ARHGEF7: variants seen among roughly 807,000 people sequenced by gnomAD.
The protein encoded by ARHGEF7 is Rho guanine nucleotide exchange factor 7, also known as PAK-interacting exchange factor beta.
Under a neutral mutation model 109.8 loss-of-function variants are expected in ARHGEF7, and 33 were observed. The ratio of observed to expected loss-of-function variants is 0.30; its 90% CI spans 0.23 to 0.40. ARHGEF7 has a LOEUF of 0.40. Ranked by LOEUF, ARHGEF7 falls within the 10% of genes least tolerant of loss-of-function variation. ARHGEF7 has a pLI of 1.00. For synonymous variants in ARHGEF7, 458 were observed against 424.6 expected (o/e 1.08, Z -0.97); for missense variants, 938 against 1,098.5 (o/e 0.85, Z 2.07).
At chr13:111,268,679 A>C (rs1246273811) in intron 9 of ARHGEF7, among the ~76,000 whole-genome samples, 1 of 152,114 alleles carries the variant, frequency 6.6e-6, no homozygotes, top group East Asian at 1.9e-4. Flanking sequence ...TGCTCCCTTC[A>C]GGCTCTGCAG....
At chr13:111,174,539 G>A (rs2077934845) in intron 2 of ARHGEF7, among the ~76,000 whole-genome samples, 1 of 152,096 alleles carries the variant, frequency 6.6e-6, no homozygotes, top group African/African-American at 2.4e-5. Flanking sequence ...ATGACTTCCT[G>A]GTCATTACAA....
intron 17 of ARHGEF7, among the ~76,000 whole-genome samples, chr13:111,287,670 C>T (rs2093079452): frequency 1.3e-5 from 2 of 152,196 alleles, no homozygotes; most frequent in Admixed American, 6.5e-5. Flanking sequence ...AAGCAGGTGT[C>T]TGGGGAGGAG....
chr13:111,123,848 G>A (rs12858583), intron 1 of ARHGEF7, among the ~76,000 whole-genome samples: 19,679 of 137,486 alleles, frequency 0.14, 1,699 homozygotes, highest in East Asian at 0.22. Flanking sequence ...GGCCATCGTT[G>A]GCTGGTGGGC....
At position 111,290,675 on chromosome 13, in the gene ARHGEF7, A is replaced by G. The variant is rs536700595; in HGVS notation, c.2135-1443A>G. On this transcript the variant is annotated intron_variant, in intron 18 of 21. Transcript: ENST00000646102. ...ACAATTCCTTTTCTTTTCTTGTCAC[A>G]TTGCCTGTATTCTGTACTTCCATTT... 2.0e-5 allele frequency among the ~76,000 whole-genome samples: 3 copies of G among 152,296 alleles called. No homozygotes were observed. The East Asian group carries it at 5.8e-4, about 29-fold the overall frequency.
intron 2 of ARHGEF7, among the ~76,000 whole-genome samples, chr13:111,162,085 C>T (rs1383235797): frequency 6.6e-6 from 1 of 152,214 alleles, no homozygotes; most frequent in Admixed American, 6.5e-5. Context: ...AGGCTTTGAA[C>T]ACCTGCTACC....
At chr13:111,285,312 A>T (rs945322298) in intron 16 of ARHGEF7, among the ~76,000 whole-genome samples, 4 of 152,222 alleles carry the variant, frequency 2.6e-5, no homozygotes, top group Admixed American at 2.0e-4. Context: ...AGCCTGGTTC[A>T]TTCCATAGCA....
At chr13:111,124,845 C>T (rs1238798992) in intron 1 of ARHGEF7, among the ~76,000 whole-genome samples, 13 of 152,166 alleles carry the variant, frequency 8.5e-5, no homozygotes, top group African/African-American at 3.1e-4. Context: ...CTCCAACGGC[C>T]GCCTCCCGGG....
At chr13:111,138,825 G>A (rs1323504723) in intron 1 of ARHGEF7, among the ~76,000 whole-genome samples, 1 of 152,168 alleles carries the variant, frequency 6.6e-6, no homozygotes, top group Non-Finnish European at 1.5e-5. Context: ...AGAAAACACT[G>A]CATCATGTAG....
rs1430797614 is a variant in ARHGEF7 at position 111,217,830 on chromosome 13, G to A, written c.620G>A (p.Gly207Asp). ...GGCTGGTGGGAGGGCACACTCAACG[G>A]CCGGACCGGCTGGTTCCCCAGCAAC... ...EGGWWEGTLNGRTGWFPSNYV... is the reference protein window; with the variant it reads ...EGGWWEGTLNDRTGWFPSNYV... The change falls in exon 5 of 22, where the codon GGC (glycine) becomes GAC (aspartate). Residue 207 changes from glycine (G) to aspartate (D), a missense_variant. By Grantham distance (94) the Gly-to-Asp change is moderately conservative. This residue lies in a region of ARHGEF7 where 585 missense variants were observed against 723.6 expected (regional missense o/e 0.81). Coordinates refer to ENST00000646102, the MANE Select transcript of ARHGEF7 (RefSeq NM_001354046.2). The A allele has an allele frequency of 1.9e-6, 3 of 1,613,940 alleles. No individual in the cohort carries two copies. In the African/African-American group the frequency reaches 4.0e-5, roughly 22 times the overall value.
In ARHGEF7 at chr13:111,279,306, G is replaced by T. The variant is rs573393744; in HGVS notation, c.1507-966G>T. On this transcript the variant is annotated intron_variant, in intron 13 of 21. Transcript: ENST00000646102. ...CTGGGCACTGCTGACGTTCTGGACTGGATCGTTCATGGCCAGGGGCTGGGG... is the reference window on the plus strand; with the variant it reads ...CTGGGCACTGCTGACGTTCTGGACTTGATCGTTCATGGCCAGGGGCTGGGG... 5.3e-5 allele frequency among the ~76,000 whole-genome samples: 8 copies of T among 152,170 alleles called. 1 individual carries two copies. In the South Asian group the frequency reaches 6.2e-4, roughly 12 times the overall value.
intron 12 of ARHGEF7, 161 bp downstream of exon 12, chr13:111,275,839 T>G (rs1231230003): frequency 1.1e-6 from 1 of 884,008 alleles, no homozygotes; most frequent in Admixed American, 2.3e-5. Context: ...GAGAGGCTTA[T>G]GGCATGTTAG....
intron 1 of ARHGEF7, among the ~76,000 whole-genome samples, chr13:111,122,028 A>G (rs2067232906): frequency 6.6e-6 from 1 of 152,240 alleles, no homozygotes; most frequent in Non-Finnish European, 1.5e-5. Context: ...CCTCAGAGCC[A>G]TCCAAATCCA....
At chr13:111,274,357 G>C (rs1311054261) in intron 10 of ARHGEF7, among the ~76,000 whole-genome samples, 2 of 152,166 alleles carry the variant, frequency 1.3e-5, no homozygotes, top group Non-Finnish European at 1.5e-5. Context: ...TTGGGTTGAA[G>C]TTACTCTCTT....
chr13:111,191,646 G>C (rs1220788290), intron 2 of ARHGEF7, among the ~76,000 whole-genome samples: 1 of 152,158 alleles, frequency 6.6e-6, no homozygotes, highest in Non-Finnish European at 1.5e-5. Context: ...GATTGGACTG[G>C]TTTAACAGAG....
chr13:111,251,687 A>G (rs2182064), intron 8 of ARHGEF7, among the ~76,000 whole-genome samples: 136,592 of 152,282 alleles, frequency 0.9, 61,309 homozygotes, highest in Admixed American at 0.93. Context: ...TTGCTTAGGC[A>G]TTGTAGTTAG....
intron 1 of ARHGEF7, among the ~76,000 whole-genome samples, chr13:111,142,761 C>T (rs1026917188): frequency 2.0e-5 from 3 of 152,210 alleles, no homozygotes; most frequent in Admixed American, 1.3e-4. Context: ...GGGTGAATGG[C>T]TCCCTCCTGC....
chr13:111,152,920 GGCC>G (rs2075971682), intron 1 of ARHGEF7, among the ~76,000 whole-genome samples: 1 of 152,178 alleles, frequency 6.6e-6, no homozygotes, highest in African/African-American at 2.4e-5. Flanking sequence ...TGTTGCTGGT[GGCC>G]CTCACAATTC....
intron 6 of ARHGEF7, among the ~76,000 whole-genome samples, chr13:111,242,147 G>A (rs780634904): frequency 6.6e-5 from 10 of 152,162 alleles, no homozygotes; most frequent in Non-Finnish European, 7.3e-5. Flanking sequence ...GCTCTCCCAC[G>A]GTCGTCTCCC....
chr13:111,276,026 C>T, intron 12 of ARHGEF7: 1 of 270,502 alleles, frequency 3.7e-6, no homozygotes, highest in Non-Finnish European at 7.4e-6. Flanking sequence ...TGTACCAAGG[C>T]TCACTCTCAC....
Sources: allele counts gnomAD v4.1 joint callset (sites outside exome capture counted in the v4.1 genomes callset), GRCh38; gene constraint gnomAD v4.1.1; regional missense constraint gnomAD v4.1.1; transcripts MANE v1.5; gene names NCBI Gene and HGNC (gene_info 2026-07-23, HGNC 2026-07-21).